ZFTRAF1: variants seen among roughly 807,000 people sequenced by gnomAD.
The protein encoded by ZFTRAF1 is zinc finger TRAF-type-containing protein 1.
At chr8:144,453,682 C>G in the ZFTRAF1 span, 1 of 551,552 alleles carries the variant, frequency 1.8e-6, no homozygotes, top group East Asian at 3.0e-5. Flanking sequence ...ATTAGAGGTC[C>G]TAAAAGCAAG....
chr8:144,457,671 G>A, the ZFTRAF1 span: 1 of 152,214 alleles, frequency 6.6e-6, no homozygotes, highest in Non-Finnish European at 1.5e-5. Flanking sequence ...GGGTTAAAGG[G>A]GAGCTAGATG....
chr8:144,454,387 GAC>G, the ZFTRAF1 span: 1 of 152,470 alleles, frequency 6.6e-6, no homozygotes, highest in African/African-American at 2.4e-5. Context: ...TACCTGAGCA[GAC>G]ACAGTTCCCA....
the ZFTRAF1 span, chr8:144,452,244 C>T: frequency 4.5e-5 from 54 of 1,209,764 alleles, no homozygotes; most frequent in African/African-American, 9.0e-5. Context: ...GTCCAGAGCC[C>T]GGCTGTCCGG....
the ZFTRAF1 span, chr8:144,454,795 G>C: frequency 6.6e-6 from 1 of 152,454 alleles, no homozygotes; most frequent in Non-Finnish European, 1.5e-5. Context: ...GCCCTGGGAA[G>C]TCTGAGCTGC....
chr8:144,460,220 G>C, the ZFTRAF1 span, among the ~76,000 whole-genome samples: 1 of 152,212 alleles, frequency 6.6e-6, no homozygotes, highest in African/African-American at 2.4e-5. Context: ...ACTGAACAGA[G>C]CCCCCAGGCC....
chr8:144,452,939 C>T, the ZFTRAF1 span, among the ~76,000 whole-genome samples: 8 of 152,246 alleles, frequency 5.3e-5, no homozygotes, highest in African/African-American at 7.2e-5. Flanking sequence ...TGAGGTCCTG[C>T]GTTGGACACG....
At chr8:144,450,343 C>CGCCCG in the ZFTRAF1 span, 1 of 699,706 alleles carries the variant, frequency 1.4e-6, no homozygotes. Flanking sequence ...GCTGGGATGC[C>CGCCCG]GCCCGTGGGC....
chr8:144,453,419 G>A, the ZFTRAF1 span: 4 of 1,551,200 alleles, frequency 2.6e-6, no homozygotes, highest in African/African-American at 4.1e-5. Flanking sequence ...CTGCTAGTAG[G>A]TGGATAAAAC....
At chr8:144,449,919 CAA>C in the ZFTRAF1 span, 1 of 183,814 alleles carries the variant, frequency 5.4e-6, no homozygotes, top group Non-Finnish European at 1.2e-5. Flanking sequence ...TCCCCTCGAA[CAA>C]AACAGAAAGT....
the ZFTRAF1 span, chr8:144,452,309 C>T: frequency 3.3e-6 from 5 of 1,535,766 alleles, no homozygotes; most frequent in South Asian, 1.2e-5. Context: ...TGGCTGCCAG[C>T]CCCCCAACCC....
the ZFTRAF1 span, among the ~76,000 whole-genome samples, chr8:144,461,301 G>A: frequency 4.6e-5 from 7 of 152,324 alleles, no homozygotes; most frequent in East Asian, 1.9e-4. Flanking sequence ...AAAGAAAGCT[G>A]ACAGAGAACC....
chr8:144,460,878 C>T, the ZFTRAF1 span, among the ~76,000 whole-genome samples: 140,755 of 152,184 alleles, frequency 0.92, 65,803 homozygotes, highest in Non-Finnish European at 1. Context: ...AGTGAGACTC[C>T]GTCTCAAAAA....
chr8:144,455,348 C>A, the ZFTRAF1 span: 1 of 152,164 alleles, frequency 6.6e-6, no homozygotes, highest in Non-Finnish European at 1.5e-5. Flanking sequence ...TTAAAACATA[C>A]ACAGTTGCCT....
the ZFTRAF1 span, among the ~76,000 whole-genome samples, chr8:144,460,609 G>C: frequency 6.6e-6 from 1 of 152,234 alleles, no homozygotes; most frequent in Non-Finnish European, 1.5e-5. Flanking sequence ...CTGGCCAAGC[G>C]CAGTGGCTCA....
the ZFTRAF1 span, among the ~76,000 whole-genome samples, chr8:144,461,459 C>T: frequency 0.031 from 4,733 of 152,250 alleles, 230 homozygotes; most frequent in African/African-American, 0.11. Context: ...GGGCCAGGTA[C>T]CCTAACAGCC....
At chr8:144,453,910 C>T in the ZFTRAF1 span, 1 of 169,558 alleles carries the variant, frequency 5.9e-6, no homozygotes, top group South Asian at 1.4e-4. Flanking sequence ...GCTCTCTGGG[C>T]CTTCAGAAAG....
chr8:144,453,265 G>A, the ZFTRAF1 span: 10 of 1,551,004 alleles, frequency 6.4e-6, no homozygotes, highest in South Asian at 1.2e-5. Context: ...AGGAGGGAGC[G>A]GGGAAACTGG....
chr8:144,462,600 A>C, the ZFTRAF1 span: 1 of 129,320 alleles, frequency 7.7e-6, no homozygotes, highest in East Asian at 2.6e-4. Flanking sequence ...GCCGGCACGG[A>C]GCCCGCGGGC....
At chr8:144,452,396 G>A in the ZFTRAF1 span, 32 of 1,550,216 alleles carry the variant, frequency 2.1e-5, no homozygotes, top group Non-Finnish European at 2.7e-5. Context: ...GCAGGCTGAA[G>A]ATGCTGTTGT....
Sources: allele counts gnomAD v4.1 joint callset (sites outside exome capture counted in the v4.1 genomes callset), GRCh38; gene constraint gnomAD v4.1.1; transcripts MANE v1.5; gene names NCBI Gene and HGNC (gene_info 2026-07-23, HGNC 2026-07-21).